PLCG2: variants seen among roughly 807,000 people sequenced by gnomAD.
PLCG2 encodes the protein 1-phosphatidylinositol 4,5-bisphosphate phosphodiesterase gamma-2.
In PLCG2, 69 loss-of-function variants were observed where a neutral mutation model predicts 175.6. The ratio of observed to expected loss-of-function variants is 0.39; its 90% CI spans 0.32 to 0.48. The LOEUF (loss-of-function observed/expected upper bound fraction) is 0.48, where lower values mean the gene tolerates loss of function less well. Among genes scored for constraint, PLCG2 ranks in the 20% least tolerant of loss-of-function variants. The probability of loss-of-function intolerance (pLI) is 0.91; values close to 1 mark genes in which losing one functional copy is unlikely to be tolerated. For synonymous variants in PLCG2, 827 were observed against 624.0 expected (o/e 1.33, Z -4.85); for missense variants, 1,798 against 1,650.9 (o/e 1.09, Z -1.54).
At chr16:81,843,775 GGTTGGTAGTTT>G (rs1348598443) in intron 2 of PLCG2, among the ~76,000 whole-genome samples, 1 of 152,206 alleles carries the variant, frequency 6.6e-6, no homozygotes, top group Non-Finnish European at 1.5e-5. Flanking sequence ...ATTGGACCCT[GGTTGGTAGTTT>G]GCTTGTCAGA....
intron 2 of PLCG2, among the ~76,000 whole-genome samples, chr16:81,835,528 G>C (rs2143402670): frequency 6.6e-6 from 1 of 152,192 alleles, no homozygotes; most frequent in South Asian, 2.1e-4. Flanking sequence ...GCTGTGAGCT[G>C]AGATTGTGCC....
rs548674079 is a variant in PLCG2, at chr16:81,808,856, G to C, written c.193+22674G>C. On this transcript the variant is annotated intron_variant, in intron 2 of 32. Transcript: ENST00000564138. ...GGGCCTGGCCTCTGTTTCCCCCTAT[G>C]CAAAATGGGGCTTATCAGAGCATGC... 7.9e-5 allele frequency among the ~76,000 whole-genome samples: 12 copies of C among 152,284 alleles called. No homozygotes were observed. In the South Asian group the frequency reaches 8.3e-4, roughly 11 times the overall value.
chr16:81,864,514 G>T (rs1907134138), intron 5 of PLCG2, among the ~76,000 whole-genome samples: 1 of 152,158 alleles, frequency 6.6e-6, no homozygotes, highest in Non-Finnish European at 1.5e-5. Context: ...CTAACTCATT[G>T]TGTGAATTGG....
chr16:81,861,521 C>T (rs971474044), intron 5 of PLCG2, among the ~76,000 whole-genome samples: 1 of 152,264 alleles, frequency 6.6e-6, no homozygotes, highest in Non-Finnish European at 1.5e-5. Context: ...CTGCCTTTCT[C>T]TCCGTCCTCT....
intron 2 of PLCG2, among the ~76,000 whole-genome samples, chr16:81,821,232 G>A (rs912503644): frequency 3.4e-4 from 52 of 152,240 alleles, no homozygotes; most frequent in African/African-American, 1.2e-3. Flanking sequence ...TGGGGATTCA[G>A]TGAGTTAACA....
At chr16:81,926,003 G>A (rs1190135317) in intron 22 of PLCG2, among the ~76,000 whole-genome samples, 4 of 152,208 alleles carry the variant, frequency 2.6e-5, no homozygotes, top group Non-Finnish European at 5.9e-5. Flanking sequence ...GATGCCAGGG[G>A]ACCACAGAGG....
chr16:81,828,545 G>A (rs759726139), intron 2 of PLCG2, among the ~76,000 whole-genome samples: 13 of 152,090 alleles, frequency 8.5e-5, no homozygotes, highest in Admixed American at 2.6e-4. Context: ...GCCGAGAAGC[G>A]TCATTTTTAT....
chr16:81,897,025 G>C (rs1908922522), intron 13 of PLCG2, among the ~76,000 whole-genome samples: 1 of 152,202 alleles, frequency 6.6e-6, no homozygotes, highest in South Asian at 2.1e-4. Context: ...GGGCCCTGTG[G>C]TCTCTGTTGC....
chr16:81,891,368 G>A lies in PLCG2; in HGVS notation c.868-104G>A, dbSNP rs189534713. The A allele has an allele frequency of 1.8e-4, 130 of 729,366 alleles. 1 individual carries two copies. In the African/African-American group the frequency reaches 1.9e-3, roughly 11 times the overall value. 45.2% of individuals were successfully genotyped at this position (729,366 alleles called of 1,614,324 possible). On this transcript the variant is annotated intron_variant, in intron 10 of 32. Transcript: ENST00000564138. The stretch of plus-strand genomic sequence containing the variant: ...TCTGGAGACCGCCTGTTGATTTCCC[G>A]CATCAGAGCTGTTCTTCCCCCCTGG...
At chr16:81,951,016 T>G (rs992608630) in intron 31 of PLCG2, among the ~76,000 whole-genome samples, 2 of 151,856 alleles carry the variant, frequency 1.3e-5, no homozygotes, top group South Asian at 4.1e-4. Context: ...GAGACAGTGT[T>G]TTTTTCTGTC....
intron 2 of PLCG2, among the ~76,000 whole-genome samples, chr16:81,769,360 A>G (rs1910222620): frequency 6.6e-6 from 1 of 152,212 alleles, no homozygotes; most frequent in Non-Finnish European, 1.5e-5. Flanking sequence ...AGGGTGCAAG[A>G]GAATGATAGC....
chr16:81,917,341 A>G (rs950272811), intron 19 of PLCG2, among the ~76,000 whole-genome samples: 3 of 151,612 alleles, frequency 2.0e-5, no homozygotes, highest in Non-Finnish European at 4.4e-5. Context: ...GCTATGGTGA[A>G]TGGTGCTATG....
At chr16:81,857,629 C>G (rs994014788) in intron 3 of PLCG2, among the ~76,000 whole-genome samples, 27 of 139,420 alleles carry the variant, frequency 1.9e-4, no homozygotes, top group African/African-American at 2.5e-5. Context: ...AGAGGGAGCT[C>G]TAGTCTCTCT....
intron 5 of PLCG2, 71 bp from the exon 6 acceptor site, chr16:81,869,143 G>A (rs576818181): frequency 4.1e-5 from 47 of 1,149,926 alleles, no homozygotes; most frequent in South Asian, 3.5e-4. Flanking sequence ...GGTGGGAACT[G>A]ATGGGAGCAG....
chr16:81,919,409 A>T, intron 19 of PLCG2, 75 bp from the exon 20 acceptor site: 1 of 1,163,154 alleles, frequency 8.6e-7, no homozygotes, highest in Non-Finnish European at 1.3e-6. Flanking sequence ...GTTGTATCTA[A>T]TCAGTAGGGT....
chr16:81,925,922 T>G, intron 22 of PLCG2, among the ~76,000 whole-genome samples: 1 of 149,830 alleles, frequency 6.7e-6, no homozygotes, highest in Non-Finnish European at 1.5e-5. Flanking sequence ...GGATATCATA[T>G]AGAGGGGAAG....
At chr16:81,953,012 C>A (rs184631286) in intron 31 of PLCG2, among the ~76,000 whole-genome samples, 1 of 152,214 alleles carries the variant, frequency 6.6e-6, no homozygotes, top group Non-Finnish European at 1.5e-5. Flanking sequence ...TGAGGTGAGA[C>A]GCTGAGAAGG....
intron 2 of PLCG2, among the ~76,000 whole-genome samples, chr16:81,794,917 T>C (rs1032994668): frequency 1.3e-5 from 2 of 152,208 alleles, no homozygotes; most frequent in Non-Finnish European, 2.9e-5. Context: ...GTGTGAAAAG[T>C]AGAGTTGACA....
At chr16:81,890,667 G>A (rs1246510757) in intron 10 of PLCG2, among the ~76,000 whole-genome samples, 1 of 152,182 alleles carries the variant, frequency 6.6e-6, no homozygotes, top group African/African-American at 2.4e-5. Context: ...GAGGGGAGGT[G>A]GAACTGGGGA....
Sources: allele counts gnomAD v4.1 joint callset (sites outside exome capture counted in the v4.1 genomes callset), GRCh38; gene constraint gnomAD v4.1.1; transcripts MANE v1.5; gene names NCBI Gene and HGNC (gene_info 2026-07-23, HGNC 2026-07-21).